Variants in GRIK4 observed in about 807,000 individuals in gnomAD.
GRIK4 encodes the protein glutamate ionotropic receptor kainate type subunit 4, also known as glutamate receptor ionotropic, kainate 4.
GRIK4 carries 40 observed loss-of-function variants against 104.9 expected under a neutral mutation model. That is an observed-to-expected ratio of 0.38 (90% CI 0.30 to 0.50). The LOEUF is 0.50. GRIK4 is among the 20% of genes least tolerant of loss of function. The pLI, the probability that GRIK4 is intolerant of heterozygous loss-of-function variation, is 0.93. For missense variants in GRIK4, 1,047 were observed against 1,308.1 expected (o/e 0.80, Z 3.08); for synonymous variants, 485 against 524.9 (o/e 0.92, Z 1.04).
At chr11:120,636,063 G>A (rs935660813) in intron 1 of GRIK4, among the ~76,000 whole-genome samples, 9 of 152,298 alleles carry the variant, frequency 5.9e-5, no homozygotes, top group Admixed American at 1.3e-4. Context: ...TTCGTTCAAC[G>A]TTTCTGTTGG....
intron 13 of GRIK4, among the ~76,000 whole-genome samples, chr11:120,934,130 G>A (rs1396822577): frequency 5.3e-5 from 8 of 151,422 alleles, no homozygotes; most frequent in East Asian, 1.9e-4. Flanking sequence ...GCGTGAACCC[G>A]GGAGGCGGAG....
At chr11:120,542,079 A>G (rs185199358) in intron 1 of GRIK4, among the ~76,000 whole-genome samples, 1 of 152,356 alleles carries the variant, frequency 6.6e-6, no homozygotes, top group East Asian at 1.9e-4. Context: ...TGTAGTAATT[A>G]AAACAATATG....
chr11:120,679,007 G>T (rs575056509), intron 3 of GRIK4, among the ~76,000 whole-genome samples: 1 of 152,160 alleles, frequency 6.6e-6, no homozygotes, highest in East Asian at 1.9e-4. Flanking sequence ...GGGAATAGGG[G>T]TGGGAGTGCA....
intron 9 of GRIK4, among the ~76,000 whole-genome samples, chr11:120,866,694 T>G (rs1592006576): frequency 6.6e-6 from 1 of 152,156 alleles, no homozygotes; most frequent in East Asian, 1.9e-4. Context: ...CAGGGAACCA[T>G]GCGAGGAGCA....
At chr11:120,822,079 TAC>T (rs1953141156) in intron 6 of GRIK4, among the ~76,000 whole-genome samples, 1 of 151,670 alleles carries the variant, frequency 6.6e-6, no homozygotes, top group Non-Finnish European at 1.5e-5. Flanking sequence ...GGTGTGGTGG[TAC>T]GCGCCTGTAA....
At chr11:120,802,064 A>G (rs1413966393) in intron 3 of GRIK4, among the ~76,000 whole-genome samples, 4 of 152,214 alleles carry the variant, frequency 2.6e-5, no homozygotes, top group African/African-American at 9.6e-5. Context: ...ACTTCCACAC[A>G]TTATCTTAGT....
At chr11:120,577,201 C>T (rs976480189) in intron 1 of GRIK4, among the ~76,000 whole-genome samples, 6 of 152,090 alleles carry the variant, frequency 3.9e-5, no homozygotes, top group Non-Finnish European at 7.4e-5. Flanking sequence ...TGTGGAGAGG[C>T]GGGGCAGGCA....
Position 120,956,826 on chromosome 11 carries a change from C to T in GRIK4, c.1747C>T (p.Arg583Trp), listed in dbSNP as rs773371315. The T allele has an allele frequency of 7.4e-6, 12 of 1,613,638 alleles. No homozygotes were observed. Among genetic ancestry groups the T allele is most frequent in the Admixed American group, 6.7e-5 (4 of 59,986 alleles). The change falls in exon 16 of 21, where the codon CGG becomes TGG. Residue 583 changes from arginine to tryptophan, a missense_variant. By Grantham distance (101) the Arg-to-Trp change is moderately radical. Transcript: ENST00000527524. This position sits in a 1 kb window ranked among gnomAD's most constrained non-coding sequence, Gnocchi z 4.6. ...CAGCCCACACCCATGTGCCCAGGGC[C>T]GGTGCAACCTCCTGGTGAACCAGTA... ...WYSPHPCAQG[R>W]CNLLVNQYSL... is the part of the protein sequence containing the mutation.
chr11:120,514,962 C>T, intron 1 of GRIK4: 1 of 456,642 alleles, frequency 2.2e-6, no homozygotes, highest in Non-Finnish European at 4.4e-6. Context: ...AGCCATCCTG[C>T]CGCTGTGCCT....
rs770815220 is a variant in GRIK4 at position 120,819,642 on chromosome 11, G to A, written c.346-113G>A. 25 of 939,118 alleles carry A rather than the reference G, an allele frequency of 2.7e-5. No individual in the cohort carries two copies. The highest frequency in any genetic ancestry group is 3.7e-5 in the Non-Finnish European group (22 of 594,120). 58.2% of individuals were successfully genotyped at this position (939,118 alleles called of 1,614,324 possible). On this transcript the variant is annotated intron_variant, in intron 5 of 20. Transcript: ENST00000527524. This position sits in a 1 kb window ranked among gnomAD's most constrained non-coding sequence, Gnocchi z 4.3. ...GCTCCTTCTCCCATTGGTGTCTGGC[G>A]AAGGTGTTACATAAAAGAACTCACC...
At chr11:120,780,151 T>C (rs1001129691) in intron 3 of GRIK4, among the ~76,000 whole-genome samples, 1 of 152,258 alleles carries the variant, frequency 6.6e-6, no homozygotes, top group Non-Finnish European at 1.5e-5. Context: ...TTTAAAATTA[T>C]TTTTAATTTT....
At chr11:120,796,809 A>T (rs1952527278) in intron 3 of GRIK4, among the ~76,000 whole-genome samples, 1 of 150,922 alleles carries the variant, frequency 6.6e-6, no homozygotes, top group Non-Finnish European at 1.5e-5. Context: ...GGTTCTGAGG[A>T]CCTTGAGCGG....
intron 13 of GRIK4, among the ~76,000 whole-genome samples, chr11:120,935,343 G>A (rs1943573237): frequency 6.6e-6 from 1 of 152,114 alleles, no homozygotes; most frequent in African/African-American, 2.4e-5. Context: ...CTGAGGTCAG[G>A]AGTTCGAGAC....
chr11:120,633,141 A>G (rs1016147270), intron 1 of GRIK4, among the ~76,000 whole-genome samples: 1 of 152,138 alleles, frequency 6.6e-6, no homozygotes, highest in African/African-American at 2.4e-5. Flanking sequence ...GAGTCAACCA[A>G]GAACATTATA....
At chr11:120,580,247 C>CTT (rs1565558854) in intron 1 of GRIK4, among the ~76,000 whole-genome samples, 1 of 119,614 alleles carries the variant, frequency 8.4e-6, no homozygotes, top group African/African-American at 3.7e-5. Context: ...TTCTTTCTTT[C>CTT]TTTCTTTTTC....
At chr11:120,875,113 G>A (rs1954747382) in intron 10 of GRIK4, 26 bp from the exon 11 acceptor site, 1 of 1,436,928 alleles carries the variant, frequency 7.0e-7, no homozygotes, top group East Asian at 2.3e-5. Flanking sequence ...CCTGTTTGGT[G>A]CTGTAACTCA....
chr11:120,715,633 A>G (rs1004694017), intron 3 of GRIK4, among the ~76,000 whole-genome samples: 2 of 152,060 alleles, frequency 1.3e-5, no homozygotes, highest in Non-Finnish European at 2.9e-5. Flanking sequence ...CCAGTCAGGT[A>G]TGGAGAACGA....
chr11:120,965,647 T>G (rs1455234532), intron 18 of GRIK4, among the ~76,000 whole-genome samples: 7 of 152,226 alleles, frequency 4.6e-5, no homozygotes, highest in African/African-American at 1.7e-4. Context: ...AAGGTTCTAC[T>G]GTGGAGCTGT....
At position 120,550,421 on chromosome 11, in the gene GRIK4, C is replaced by G. The variant is rs567202822; in HGVS notation, c.-159+38534C>G. Among the ~76,000 whole-genome samples, 21 of 151,918 alleles carry G rather than the reference C, an allele frequency of 1.4e-4. No homozygotes were observed. The East Asian group carries it at 3.9e-3, about 28-fold the overall frequency. On this transcript the variant is annotated intron_variant, in intron 1 of 20. Coordinates refer to ENST00000527524, the MANE Select transcript of GRIK4 (RefSeq NM_014619.5). Reference sequence around the variant, plus strand: ...ATTAGACAACTCAGCAGAGAGATGGCGTCAGCAGTTGGATATCATCAGTCT... The same window carrying G: ...ATTAGACAACTCAGCAGAGAGATGGGGTCAGCAGTTGGATATCATCAGTCT...
Sources: gnomAD v4.1 joint callset for allele counts (sites outside exome capture counted in the v4.1 genomes callset) on GRCh38, gnomAD v4.1.1 for gene constraint, Gnocchi (gnomAD v3.1) non-coding constraint, MANE v1.5 for transcripts, NCBI Gene and HGNC (gene_info 2026-07-23, HGNC 2026-07-21) for gene names.